The following DCC variants were observed in gnomAD, a reference collection of about 807,000 sequenced individuals.
DCC encodes the protein netrin receptor DCC.
In DCC, 58 loss-of-function variants were observed where a neutral mutation model predicts 172.5. The ratio of observed to expected loss-of-function variants is 0.34; its 90% CI spans 0.27 to 0.42. DCC has a LOEUF of 0.42. Among genes scored for constraint, DCC ranks in the 10% least tolerant of loss-of-function variants. The pLI, the probability that DCC is intolerant of heterozygous loss-of-function variation, is 1.00. For missense variants in DCC, 1,740 were observed against 1,791.0 expected, an observed-to-expected ratio of 0.97 and a Z score of 0.51; for synonymous variants, 709 against 644.5, an observed-to-expected ratio of 1.10 and a Z score of -1.52.
chr18:53,504,287 C>T (rs1165354321), intron 27 of DCC, among the ~76,000 whole-genome samples: 4 of 152,094 alleles, frequency 2.6e-5, no homozygotes, highest in Admixed American at 2.6e-4. Context: ...ACGAGTGTTC[C>T]ATTCTGCTAA....
At chr18:53,305,788 C>G (rs1434733231) in intron 13 of DCC, 69 bp downstream of exon 13, 28 of 1,502,240 alleles carry the variant, frequency 1.9e-5, no homozygotes, top group Non-Finnish European at 2.5e-5. Context: ...AAAATATAGT[C>G]TCACTCCAAA....
At chr18:53,378,251 C>A (rs938849503) in intron 15 of DCC, among the ~76,000 whole-genome samples, 4 of 152,064 alleles carry the variant, frequency 2.6e-5, no homozygotes, top group Admixed American at 2.6e-4. Context: ...GTGAGCCCGA[C>A]CCTGATTTTC....
At chr18:52,590,651 G>A (rs966760635) in intron 1 of DCC, among the ~76,000 whole-genome samples, 2 of 152,150 alleles carry the variant, frequency 1.3e-5, no homozygotes, top group Admixed American at 1.3e-4. Flanking sequence ...TGCAGTGTGG[G>A]TACTGGTCCG....
intron 12 of DCC, among the ~76,000 whole-genome samples, chr18:53,239,671 TAGA>T (rs1271119150): frequency 6.6e-6 from 1 of 152,114 alleles, no homozygotes; most frequent in Non-Finnish European, 1.5e-5. Context: ...CTACCTTGAG[TAGA>T]AGAATTCAAA....
At chr18:52,811,073 T>C (rs986544233) in intron 2 of DCC, among the ~76,000 whole-genome samples, 1 of 151,988 alleles carries the variant, frequency 6.6e-6, no homozygotes, top group African/African-American at 2.4e-5. Context: ...ATGTGGGAAA[T>C]TGAACAATTC....
intron 7 of DCC, among the ~76,000 whole-genome samples, chr18:53,113,761 A>G (rs374568474): frequency 6.6e-6 from 1 of 151,382 alleles, no homozygotes; most frequent in Non-Finnish European, 1.5e-5. Flanking sequence ...TAACAAACTA[A>G]TGGTAAATCC....
At chr18:53,129,774 A>G (rs1432040296) in intron 7 of DCC, among the ~76,000 whole-genome samples, 3 of 152,116 alleles carry the variant, frequency 2.0e-5, no homozygotes, top group East Asian at 1.9e-4. Flanking sequence ...ATTTTTGACT[A>G]TTATTAATAA....
chr18:53,188,656 C>T (rs1568355031), intron 9 of DCC, among the ~76,000 whole-genome samples: 1 of 152,102 alleles, frequency 6.6e-6, no homozygotes, highest in African/African-American at 2.4e-5. Flanking sequence ...AACAAAGTGC[C>T]ACAAACTTGG....
At chr18:53,296,293 A>G (rs967512790) in intron 12 of DCC, among the ~76,000 whole-genome samples, 25 of 151,692 alleles carry the variant, frequency 1.6e-4, no homozygotes, top group African/African-American at 6.1e-4. Context: ...CCTCACTGTC[A>G]CTCTCTCTTT....
At chr18:52,460,859 A>G (rs1988607894) in intron 1 of DCC, among the ~76,000 whole-genome samples, 2 of 152,206 alleles carry the variant, frequency 1.3e-5, no homozygotes, top group African/African-American at 4.8e-5. Flanking sequence ...GCTCTGGGTG[A>G]GTCAGTGAGT....
At position 53,142,845 on chromosome 18, in the gene DCC, C is replaced by T. The variant is rs187502183; in HGVS notation, c.1262-14511C>T. Among the ~76,000 whole-genome samples, 147 of 152,278 alleles carry T rather than the reference C, an allele frequency of 9.7e-4. 1 individual carries two copies. The East Asian group carries it at 0.027, about 28-fold the overall frequency. ...GAATCCAATCAAGGGAACCTCCTTG[C>T]ATTTATTTGTGATGTCTTCCCAGAC... On this transcript the variant is annotated intron_variant, in intron 7 of 28. Coordinates refer to ENST00000442544, the MANE Select transcript of DCC (RefSeq NM_005215.4).
At chr18:52,498,839 AT>A (rs2144621979) in intron 1 of DCC, among the ~76,000 whole-genome samples, 1 of 152,166 alleles carries the variant, frequency 6.6e-6, no homozygotes, top group Admixed American at 6.5e-5. Flanking sequence ...CACCAGATTT[AT>A]AGGATTAGAG....
chr18:53,358,502 T>C (rs1212835973), intron 15 of DCC, among the ~76,000 whole-genome samples: 3 of 147,778 alleles, frequency 2.0e-5, no homozygotes, highest in Non-Finnish European at 4.5e-5. Context: ...TGGAGGATAC[T>C]AAGAAATGTA....
intron 26 of DCC, among the ~76,000 whole-genome samples, chr18:53,496,862 A>C (rs2046030317): frequency 6.6e-6 from 1 of 152,238 alleles, no homozygotes; most frequent in African/African-American, 2.4e-5. Flanking sequence ...TGAATTGATC[A>C]AGTGGTTGAA....
chr18:53,071,979 T>C (rs190067000), intron 7 of DCC, among the ~76,000 whole-genome samples: 10 of 151,914 alleles, frequency 6.6e-5, no homozygotes, highest in Non-Finnish European at 1.5e-4. Context: ...AAATACAAAA[T>C]TAGTTGGGCA....
At chr18:53,344,630 CG>C (rs891508290) in intron 15 of DCC, among the ~76,000 whole-genome samples, 27 of 150,744 alleles carry the variant, frequency 1.8e-4, no homozygotes, top group African/African-American at 6.6e-4. Flanking sequence ...TTAGTGGAGA[CG>C]GGGTTGCACA....
At chr18:53,311,312 G>A (rs576357601) in intron 13 of DCC, among the ~76,000 whole-genome samples, 5 of 152,060 alleles carry the variant, frequency 3.3e-5, no homozygotes, top group African/African-American at 1.2e-4. Context: ...TAGTAGAGAC[G>A]AGGTTTCGCC....
chr18:52,401,490 A>G (rs1986439350), intron 1 of DCC, among the ~76,000 whole-genome samples: 2 of 152,032 alleles, frequency 1.3e-5, no homozygotes, highest in Admixed American at 1.3e-4. Context: ...ATGCAGAGAA[A>G]CCACAACAAA....
At chr18:53,516,783 A>G (rs2046338950) in intron 27 of DCC, among the ~76,000 whole-genome samples, 1 of 144,666 alleles carries the variant, frequency 6.9e-6, no homozygotes, top group Non-Finnish European at 1.5e-5. Flanking sequence ...GCAATCATTA[A>G]AAAGTCAGGA....
Sources: gnomAD v4.1 joint callset for allele counts (sites outside exome capture counted in the v4.1 genomes callset) on GRCh38, gnomAD v4.1.1 for gene constraint, MANE v1.5 for transcripts, NCBI Gene and HGNC (gene_info 2026-07-23, HGNC 2026-07-21) for gene names.